Variants in LTBP1 observed in about 807,000 individuals in gnomAD.
LTBP1 encodes the protein latent-transforming growth factor beta-binding protein 1.
LTBP1 carries 129 observed loss-of-function variants against 207.6 expected under a neutral mutation model. The ratio of observed to expected loss-of-function variants is 0.62; its 90% CI spans 0.54 to 0.72. LTBP1 has a LOEUF of 0.72. LTBP1 is among the 30% of genes least tolerant of loss of function. The pLI, the probability that LTBP1 is intolerant of heterozygous loss-of-function variation, is 0.00. For synonymous variants in LTBP1, 963 were observed against 833.7 expected (o/e 1.16, Z -2.67); for missense variants, 2,281 against 2,217.2 (o/e 1.03, Z -0.58).
intron 5 of LTBP1, among the ~76,000 whole-genome samples, chr2:33,169,286 C>T (rs1439343143): frequency 1.3e-5 from 2 of 152,198 alleles, no homozygotes; most frequent in African/African-American, 2.4e-5. Context: ...CCATTCCTAA[C>T]TCCACCCGAA....
intron 15 of LTBP1, among the ~76,000 whole-genome samples, chr2:33,266,364 G>A (rs536008210): frequency 1.3e-5 from 2 of 152,326 alleles, no homozygotes; most frequent in South Asian, 2.1e-4. Flanking sequence ...AATAGCCTGG[G>A]TGTGTGGACA....
rs796318822 is a variant in LTBP1 at position 33,309,344 on chromosome 2, A to T, written c.3482-90A>T. The T allele has an allele frequency of 2.1e-5, 18 of 860,460 alleles. No homozygotes were observed. The African/African-American group carries it at 3.0e-4, about 14-fold the overall frequency. 53.3% of individuals were successfully genotyped at this position (860,460 alleles called of 1,614,324 possible). On this transcript the variant is annotated intron_variant, in intron 22 of 33. Coordinates refer to ENST00000404816, the MANE Select transcript of LTBP1 (RefSeq NM_206943.4). Reference sequence around the variant, plus strand: ...TAAAATTATGTATTATAAATGATGTAAAATAGTGTACCTTTACATGTAAGA... The same window carrying T: ...TAAAATTATGTATTATAAATGATGTTAAATAGTGTACCTTTACATGTAAGA...
At chr2:33,216,211 C>G (rs1416443900) in intron 7 of LTBP1, among the ~76,000 whole-genome samples, 2 of 152,110 alleles carry the variant, frequency 1.3e-5, no homozygotes, top group Non-Finnish European at 2.9e-5. Flanking sequence ...ACTGTATAGA[C>G]AGTGCTGTGG....
chr2:33,118,904 A>G (rs2080941982), intron 4 of LTBP1, among the ~76,000 whole-genome samples: 1 of 152,184 alleles, frequency 6.6e-6, no homozygotes, highest in African/African-American at 2.4e-5. Flanking sequence ...TAGCTGTGAA[A>G]CAGTAGATAT....
In LTBP1 at chr2:33,280,041, A is replaced by G; in HGVS notation, c.2995A>G (p.Ile999Val). The change falls in exon 19 of 34, where the codon ATT becomes GTT. Residue 999 changes from isoleucine to valine, a missense_variant and splice_region_variant. This residue lies in a region of LTBP1 where 1,671 missense variants were observed against 1,634.8 expected (regional missense o/e 1.02). Coordinates refer to ENST00000404816, the MANE Select transcript of LTBP1 (RefSeq NM_206943.4). Reference protein sequence around the residue: ...RMTQRGRCEDIDECLNPSTCP... With the variant: ...RMTQRGRCEDVDECLNPSTCP... ...GACCTAGGTTTTTGATTTTTCAGAT[A>G]TTGATGAATGTTTGAATCCAAGCAC... is the stretch of plus-strand genomic sequence containing the variant. 1 of 1,613,472 alleles carries G rather than the reference A, an allele frequency of 6.2e-7. No individual in the cohort carries two copies. The highest frequency in any genetic ancestry group is 8.5e-7 in the Non-Finnish European group (1 of 1,179,840).
chr2:32,965,974 C>T (rs573445756), intron 2 of LTBP1, among the ~76,000 whole-genome samples: 1 of 152,302 alleles, frequency 6.6e-6, no homozygotes, highest in South Asian at 2.1e-4. Flanking sequence ...CCTATTGTTC[C>T]ACTTCCTCAT....
intron 32 of LTBP1, among the ~76,000 whole-genome samples, chr2:33,396,041 T>G (rs1366911551): frequency 6.6e-6 from 1 of 152,116 alleles, no homozygotes; most frequent in Non-Finnish European, 1.5e-5. Flanking sequence ...CTAAACACTC[T>G]TGATGCCTGG....
intron 2 of LTBP1, among the ~76,000 whole-genome samples, chr2:32,991,484 A>G (rs974196267): frequency 6.6e-6 from 1 of 152,248 alleles, no homozygotes; most frequent in East Asian, 1.9e-4. Context: ...AAAATCACAC[A>G]TAGGCTTTCA....
At chr2:33,028,071 A>T (rs2075513622) in intron 3 of LTBP1, among the ~76,000 whole-genome samples, 1 of 152,022 alleles carries the variant, frequency 6.6e-6, no homozygotes, top group Admixed American at 6.5e-5. Flanking sequence ...GCAGCTCTTA[A>T]TTTTTTCCTC....
intron 5 of LTBP1, among the ~76,000 whole-genome samples, chr2:33,177,274 A>C (rs2086159568): frequency 6.6e-6 from 1 of 152,208 alleles, no homozygotes; most frequent in Admixed American, 6.5e-5. Flanking sequence ...ATGTTAACTG[A>C]ATGCATGAGA....
Position 32,947,174 on chromosome 2 carries a change from C to G in LTBP1, c.-151C>G. The G allele has an allele frequency of 2.1e-6, 1 of 478,352 alleles. No individual in the cohort carries two copies. The highest frequency in any genetic ancestry group is 1.1e-4 in the South Asian group (1 of 9,214). 29.6% of individuals were successfully genotyped at this position (478,352 alleles called of 1,614,324 possible). ...GGGGCCGCTCAGCTGCCCGCAGAGC[C>G]TCCTCCCTCGCCACCGACTTGGTCT... On this transcript the variant is annotated 5_prime_UTR_variant, in exon 1 of 34. Coordinates refer to ENST00000404816, the MANE Select transcript of LTBP1 (RefSeq NM_206943.4).
chr2:33,057,801 T>C (rs1021597576), intron 3 of LTBP1, among the ~76,000 whole-genome samples: 2 of 152,180 alleles, frequency 1.3e-5, no homozygotes, highest in Non-Finnish European at 2.9e-5. Context: ...TTCCCGCCCA[T>C]GCCTCTCCCT....
At chr2:33,192,542 A>C (rs569986046) in intron 7 of LTBP1, among the ~76,000 whole-genome samples, 1 of 152,286 alleles carries the variant, frequency 6.6e-6, no homozygotes, top group South Asian at 2.1e-4. Context: ...AAATCAGAGT[A>C]TAAAAGAAAG....
At chr2:33,224,406 A>G (rs78816653) in intron 9 of LTBP1, among the ~76,000 whole-genome samples, 19 of 152,316 alleles carry the variant, frequency 1.2e-4, no homozygotes, top group Admixed American at 5.9e-4. Flanking sequence ...GATAAAATAT[A>G]CATATGTTCT....
chr2:33,010,591 C>T (rs1687540792), intron 2 of LTBP1, among the ~76,000 whole-genome samples: 1 of 152,088 alleles, frequency 6.6e-6, no homozygotes, highest in Admixed American at 6.6e-5. Flanking sequence ...CTGACTTGAT[C>T]ATCACACATT....
chr2:33,296,520 G>A (rs991081745), intron 20 of LTBP1, among the ~76,000 whole-genome samples: 2 of 152,044 alleles, frequency 1.3e-5, no homozygotes, highest in African/African-American at 4.8e-5. Flanking sequence ...TCCAGACATT[G>A]TGTCATCCCT....
chr2:33,166,628 C>T (rs1372621249), intron 5 of LTBP1, among the ~76,000 whole-genome samples: 1 of 152,088 alleles, frequency 6.6e-6, no homozygotes, highest in Non-Finnish European at 1.5e-5. Flanking sequence ...TGGGCCAATA[C>T]TGAGGTTTAG....
At chr2:33,104,424 C>G (rs1474165193) in intron 3 of LTBP1, among the ~76,000 whole-genome samples, 1 of 152,180 alleles carries the variant, frequency 6.6e-6, no homozygotes, top group Non-Finnish European at 1.5e-5. Flanking sequence ...TAACACCACG[C>G]TATTGATTTC....
chr2:33,324,124 G>T (rs910372607), intron 24 of LTBP1, among the ~76,000 whole-genome samples: 1 of 151,920 alleles, frequency 6.6e-6, no homozygotes, highest in Non-Finnish European at 1.5e-5. Flanking sequence ...TCTTATACTG[G>T]TACCTTAGTT....
Sources: allele counts gnomAD v4.1 joint callset (sites outside exome capture counted in the v4.1 genomes callset), GRCh38; gene constraint gnomAD v4.1.1; regional missense constraint gnomAD v4.1.1; transcripts MANE v1.5; gene names NCBI Gene and HGNC (gene_info 2026-07-23, HGNC 2026-07-21).